Variants in ATRNL1 observed in about 807,000 individuals in gnomAD.
The protein encoded by ATRNL1 is attractin like 1.
A neutral mutation model predicts 182.7 loss-of-function variants in ATRNL1; 95 were observed. The observed-to-expected ratio is 0.52, with a 90% CI of 0.44 to 0.62. The LOEUF (loss-of-function observed/expected upper bound fraction) is 0.62. ATRNL1 is among the 20% of genes least tolerant of loss of function. ATRNL1 has a pLI of 0.00. For missense variants in ATRNL1, 1,471 were observed against 1,679.5 expected, an observed-to-expected ratio of 0.88 and a Z score of 2.17; for synonymous variants, 576 against 568.3, an observed-to-expected ratio of 1.01 and a Z score of -0.19.
At chr10:115,348,416 A>G (rs1336566173) in intron 19 of ATRNL1, among the ~76,000 whole-genome samples, 3 of 152,172 alleles carry the variant, frequency 2.0e-5, no homozygotes, top group Non-Finnish European at 4.4e-5. Context: ...AATCCTAGCT[A>G]TTATTGTGAT....
At chr10:115,476,924 T>C (rs781934307) in intron 24 of ATRNL1, among the ~76,000 whole-genome samples, 6 of 151,516 alleles carry the variant, frequency 4.0e-5, no homozygotes, top group Non-Finnish European at 7.4e-5. Context: ...TTATTAGCCC[T>C]CAAACTCCTT....
chr10:115,432,413 A>G (rs1238267396), intron 21 of ATRNL1, among the ~76,000 whole-genome samples: 1 of 152,148 alleles, frequency 6.6e-6, no homozygotes, highest in Non-Finnish European at 1.5e-5. Context: ...CACTCTTGGT[A>G]TTGCTGTGAG....
chr10:115,331,886 A>G (rs1039325214), intron 18 of ATRNL1, among the ~76,000 whole-genome samples: 1 of 152,218 alleles, frequency 6.6e-6, no homozygotes, highest in African/African-American at 2.4e-5. Context: ...GATCAGGGTC[A>G]GACCCTCACA....
At chr10:115,770,881 G>A (rs1488342670) in intron 27 of ATRNL1, among the ~76,000 whole-genome samples, 2 of 152,052 alleles carry the variant, frequency 1.3e-5, no homozygotes, top group Non-Finnish European at 2.9e-5. Flanking sequence ...TATAAAATAT[G>A]AAAAATATCC....
chr10:115,622,606 T>C (rs1555023323), intron 26 of ATRNL1, among the ~76,000 whole-genome samples: 2 of 152,122 alleles, frequency 1.3e-5, no homozygotes, highest in Non-Finnish European at 1.5e-5. Context: ...AAAACAAAAC[T>C]GATGTAGTTG....
At chr10:115,873,730 G>A (rs1285927659) in intron 28 of ATRNL1, among the ~76,000 whole-genome samples, 4 of 152,150 alleles carry the variant, frequency 2.6e-5, no homozygotes. Flanking sequence ...AGTCAAAACG[G>A]CAGAGGGAAA....
intron 8 of ATRNL1, among the ~76,000 whole-genome samples, chr10:115,197,344 A>G (rs1463057453): frequency 6.6e-6 from 1 of 152,034 alleles, no homozygotes; most frequent in Non-Finnish European, 1.5e-5. Context: ...TTCTTGTAAT[A>G]TCTTTATATG....
intron 26 of ATRNL1, among the ~76,000 whole-genome samples, chr10:115,723,680 C>G (rs1555058834): frequency 6.6e-6 from 1 of 152,052 alleles, no homozygotes; most frequent in Non-Finnish European, 1.5e-5. Context: ...TCCTGAGTAG[C>G]TGGGATTACA....
chr10:115,431,883 T>G (rs1221440800), intron 21 of ATRNL1, among the ~76,000 whole-genome samples: 1 of 152,080 alleles, frequency 6.6e-6, no homozygotes, highest in African/African-American at 2.4e-5. Context: ...TTTTGAGCCT[T>G]TAGTTTCTTT....
At chr10:115,094,781 T>C (rs543452578) in intron 1 of ATRNL1, among the ~76,000 whole-genome samples, 90 of 152,304 alleles carry the variant, frequency 5.9e-4, no homozygotes, top group Middle Eastern at 6.8e-3. Flanking sequence ...CTGGAGCCAG[T>C]ACACACTCCA....
intron 28 of ATRNL1, among the ~76,000 whole-genome samples, chr10:115,863,241 GT>G (rs1555103867): frequency 6.6e-6 from 1 of 152,124 alleles, no homozygotes; most frequent in Non-Finnish European, 1.5e-5. Flanking sequence ...AATACGAACT[GT>G]AAAAAATGAA....
At chr10:115,150,910 C>T (rs1426528741) in intron 5 of ATRNL1, among the ~76,000 whole-genome samples, 3 of 152,138 alleles carry the variant, frequency 2.0e-5, no homozygotes, top group Non-Finnish European at 4.4e-5. Flanking sequence ...TGTGATGTTT[C>T]CCTTCCTGTG....
intron 9 of ATRNL1, among the ~76,000 whole-genome samples, chr10:115,236,665 A>C (rs1271501672): frequency 1.3e-5 from 2 of 152,146 alleles, no homozygotes; most frequent in African/African-American, 4.8e-5. Flanking sequence ...AAATACTCTC[A>C]TCTCCCCTAT....
chr10:115,162,397 G>C (rs1412861965), intron 6 of ATRNL1, among the ~76,000 whole-genome samples: 2 of 151,978 alleles, frequency 1.3e-5, no homozygotes, highest in Non-Finnish European at 2.9e-5. Context: ...AAAAGAGCCA[G>C]ATCAAAGACT....
chr10:115,688,859 A>G (rs1946302602), intron 26 of ATRNL1, among the ~76,000 whole-genome samples: 1 of 152,140 alleles, frequency 6.6e-6, no homozygotes, highest in African/African-American at 2.4e-5. Context: ...GGGCTTTGCC[A>G]TAAAATCTTT....
intron 26 of ATRNL1, among the ~76,000 whole-genome samples, chr10:115,662,874 T>A (rs1050935293): frequency 6.6e-6 from 1 of 152,080 alleles, no homozygotes; most frequent in Non-Finnish European, 1.5e-5. Context: ...AAAATCCATA[T>A]GTTCAAAGTA....
chr10:115,159,200 G>T (rs1846662981), intron 5 of ATRNL1, among the ~76,000 whole-genome samples: 1 of 151,204 alleles, frequency 6.6e-6, no homozygotes, highest in African/African-American at 2.4e-5. Flanking sequence ...GCTTATAAAA[G>T]AAATTTAAAC....
At chr10:115,620,883 C>T (rs531528138) in intron 26 of ATRNL1, among the ~76,000 whole-genome samples, 3 of 152,228 alleles carry the variant, frequency 2.0e-5, no homozygotes, top group South Asian at 4.1e-4. Flanking sequence ...GTAATCTTAT[C>T]ATGGCTGTAA....
At chr10:115,241,007 T>C (rs1304113439) in intron 9 of ATRNL1, among the ~76,000 whole-genome samples, 1 of 152,070 alleles carries the variant, frequency 6.6e-6, no homozygotes, top group African/African-American at 2.4e-5. Context: ...TTTATGCTGT[T>C]AGAATAGTGG....
Sources: gnomAD v4.1 joint callset for allele counts (sites outside exome capture counted in the v4.1 genomes callset) on GRCh38, gnomAD v4.1.1 for gene constraint, MANE v1.5 for transcripts, NCBI Gene and HGNC (gene_info 2026-07-23, HGNC 2026-07-21) for gene names.